The following NBAS variants were observed in gnomAD, a reference collection of about 807,000 sequenced individuals.
NBAS encodes the protein NBAS subunit of NRZ tethering complex.
Under a neutral mutation model 302.5 loss-of-function variants are expected in NBAS, and 219 were observed. The ratio of observed to expected loss-of-function variants is 0.72; its 90% CI spans 0.65 to 0.81. The LOEUF is 0.81. Ranked by LOEUF, NBAS falls within the 30% of genes least tolerant of loss-of-function variation. NBAS has a pLI of 0.00. For missense variants in NBAS, 2,932 were observed against 2,841.6 expected (o/e 1.03, Z -0.72); for synonymous variants, 1,118 against 1,021.6 (o/e 1.09, Z -1.80).
the NBAS span, among the ~76,000 whole-genome samples, chr2:14,786,617 T>A: frequency 6.6e-6 from 1 of 152,202 alleles, no homozygotes; most frequent in Non-Finnish European, 1.5e-5. Context: ...TCAGTTTGCA[T>A]GTAGTTGAGC....
intron 35 of NBAS, among the ~76,000 whole-genome samples, chr2:15,347,642 T>C (rs935112965): frequency 1.3e-5 from 2 of 152,226 alleles, no homozygotes; most frequent in Non-Finnish European, 2.9e-5. Context: ...GGGAACCTTG[T>C]ATACAATCCA....
chr2:15,518,320 A>G (rs1330738539), intron 9 of NBAS, among the ~76,000 whole-genome samples: 1 of 152,180 alleles, frequency 6.6e-6, no homozygotes, highest in Non-Finnish European at 1.5e-5. Context: ...GATTTTTTTA[A>G]GAAATCTAGT....
chr2:14,826,151 G>T, the NBAS span, among the ~76,000 whole-genome samples: 1 of 152,208 alleles, frequency 6.6e-6, no homozygotes, highest in Non-Finnish European at 1.5e-5. Flanking sequence ...TGAGAAACAA[G>T]TTCAGGGCTT....
intron 48 of NBAS, among the ~76,000 whole-genome samples, chr2:15,198,944 G>C (rs1049830693): frequency 6.6e-6 from 1 of 151,910 alleles, no homozygotes; most frequent in African/African-American, 2.4e-5. Flanking sequence ...GGTTAACATG[G>C]GGAAACCCCG....
At chr2:14,818,737 G>GA in the NBAS span, among the ~76,000 whole-genome samples, 1 of 152,142 alleles carries the variant, frequency 6.6e-6, no homozygotes, top group Non-Finnish European at 1.5e-5. Context: ...AGCTAACGGA[G>GA]AAAAACGAAT....
At chr2:15,436,885 ACTACATATT>A (rs1678043353) in intron 21 of NBAS, among the ~76,000 whole-genome samples, 1 of 152,328 alleles carries the variant, frequency 6.6e-6, no homozygotes, top group Middle Eastern at 3.4e-3. Context: ...TTTAAAACTT[ACTACATATT>A]TAATAGATGG....
At chr2:14,801,162 G>A in the NBAS span, among the ~76,000 whole-genome samples, 1 of 152,032 alleles carries the variant, frequency 6.6e-6, no homozygotes, top group Admixed American at 6.6e-5. Context: ...CTGGTTTTAA[G>A]CAATTCAATT....
intron 38 of NBAS, among the ~76,000 whole-genome samples, chr2:15,312,785 C>T (rs1181912289): frequency 6.6e-6 from 1 of 152,242 alleles, no homozygotes; most frequent in Non-Finnish European, 1.5e-5. Flanking sequence ...ACCACAGAGT[C>T]ATCTTGGACT....
intron 35 of NBAS, among the ~76,000 whole-genome samples, chr2:15,347,223 G>A (rs1382252002): frequency 6.6e-6 from 1 of 152,190 alleles, no homozygotes; most frequent in African/African-American, 2.4e-5. Flanking sequence ...TAAAACATGT[G>A]CAGACACTTT....
chr2:15,315,859 T>C (rs970218979), intron 38 of NBAS, among the ~76,000 whole-genome samples: 7 of 152,138 alleles, frequency 4.6e-5, no homozygotes, highest in African/African-American at 1.7e-4. Context: ...GTGGAGAACA[T>C]GAGTCTCCAC....
intron 21 of NBAS, among the ~76,000 whole-genome samples, chr2:15,449,173 T>C (rs895386185): frequency 2.0e-5 from 3 of 152,170 alleles, no homozygotes; most frequent in Admixed American, 6.5e-5. Flanking sequence ...GAAGATTATA[T>C]TGTTACATTA....
chr2:15,268,836 T>C (rs558340549), intron 44 of NBAS, among the ~76,000 whole-genome samples: 15 of 152,222 alleles, frequency 9.9e-5, no homozygotes, highest in African/African-American at 3.6e-4. Flanking sequence ...TCTTAACTGA[T>C]TGCAACTTGA....
chr2:15,383,480 G>A (rs1675144024), intron 28 of NBAS, among the ~76,000 whole-genome samples, 163 bp from the exon 29 acceptor site: 1 of 152,150 alleles, frequency 6.6e-6, no homozygotes, highest in South Asian at 2.1e-4. Flanking sequence ...AAATAGACAG[G>A]AAAACACTTG....
the NBAS span, among the ~76,000 whole-genome samples, chr2:14,892,757 A>G: frequency 1.3e-5 from 2 of 150,852 alleles, no homozygotes; most frequent in Non-Finnish European, 3.0e-5. Flanking sequence ...TCGTCTTTGT[A>G]TTTCTGGGAT....
chr2:15,444,259 C>T (rs918715696), intron 21 of NBAS, among the ~76,000 whole-genome samples: 6 of 152,116 alleles, frequency 3.9e-5, no homozygotes, highest in African/African-American at 1.4e-4. Flanking sequence ...AACTATACTA[C>T]AAGGCTACAG....
At chr2:15,095,481 T>C in the NBAS span, among the ~76,000 whole-genome samples, 1 of 152,088 alleles carries the variant, frequency 6.6e-6, no homozygotes, top group East Asian at 1.9e-4. Flanking sequence ...AAGAAATCAC[T>C]CCCATGATTC....
At chr2:15,547,025 G>A (rs1463851020) in intron 6 of NBAS, among the ~76,000 whole-genome samples, 1 of 152,202 alleles carries the variant, frequency 6.6e-6, no homozygotes, top group East Asian at 1.9e-4. Flanking sequence ...GACTACCATA[G>A]TACAACTCTT....
At chr2:14,903,779 T>C in the NBAS span, among the ~76,000 whole-genome samples, 1 of 152,338 alleles carries the variant, frequency 6.6e-6, no homozygotes, top group East Asian at 1.9e-4. Context: ...GAGCTCAACA[T>C]TGCCTTTTTA....
At chr2:15,536,339 A>G in intron 8 of NBAS, 79 bp downstream of exon 8, 2 of 1,533,698 alleles carry the variant, frequency 1.3e-6, no homozygotes, top group South Asian at 2.4e-5. Flanking sequence ...AAGCAAAAAA[A>G]AAAAGAAATA....
Sources: gnomAD v4.1 joint callset for allele counts (sites outside exome capture counted in the v4.1 genomes callset) on GRCh38, gnomAD v4.1.1 for gene constraint, MANE v1.5 for transcripts, NCBI Gene and HGNC (gene_info 2026-07-23, HGNC 2026-07-21) for gene names.